ARHGEF10L: variants seen among roughly 807,000 people sequenced by gnomAD.
ARHGEF10L encodes the protein Rho guanine nucleotide exchange factor 10 like, also known as rho guanine nucleotide exchange factor 10-like protein.
In ARHGEF10L, 69 loss-of-function variants were observed where a neutral mutation model predicts 141.2. The ratio of observed to expected loss-of-function variants is 0.49; its 90% CI spans 0.40 to 0.60. ARHGEF10L has a LOEUF of 0.60. ARHGEF10L is among the 20% of genes least tolerant of loss of function. The pLI is 0.00. For missense variants in ARHGEF10L, 1,482 were observed against 1,734.3 expected, an observed-to-expected ratio of 0.85 and a Z score of 2.58; for synonymous variants, 711 against 718.5, an observed-to-expected ratio of 0.99 and a Z score of 0.17.
chr1:17,616,869 G>T (rs1178912099), intron 9 of ARHGEF10L, among the ~76,000 whole-genome samples: 1 of 152,214 alleles, frequency 6.6e-6, no homozygotes, highest in Admixed American at 6.5e-5. Flanking sequence ...CCCCGGATGT[G>T]GGAAAGTACG....
intron 15 of ARHGEF10L, among the ~76,000 whole-genome samples, chr1:17,631,335 T>G (rs1417938097): frequency 6.6e-6 from 1 of 152,160 alleles, no homozygotes; most frequent in Admixed American, 6.5e-5. Context: ...TTGGTGGCCC[T>G]GACACTAGCA....
At chr1:17,671,077 G>A (rs1235976190) in intron 26 of ARHGEF10L, among the ~76,000 whole-genome samples, 2 of 152,254 alleles carry the variant, frequency 1.3e-5, no homozygotes, top group African/African-American at 2.4e-5. Flanking sequence ...CGTCTGCACC[G>A]GCGCCTCACT....
At chr1:17,579,701 G>A (rs574865637) in intron 1 of ARHGEF10L, among the ~76,000 whole-genome samples, 212 of 152,330 alleles carry the variant, frequency 1.4e-3, no homozygotes, top group Middle Eastern at 3.4e-3. Context: ...TGTGGCCTGG[G>A]CAGATTAGAC....
At chr1:17,634,028 GGGCCT>G (rs1275223699) in intron 16 of ARHGEF10L, among the ~76,000 whole-genome samples, 1 of 152,200 alleles carries the variant, frequency 6.6e-6, no homozygotes, top group Non-Finnish European at 1.5e-5. Flanking sequence ...CGGGAGCTCA[GGGCCT>G]GGTTGGGGAC....
intron 1 of ARHGEF10L, among the ~76,000 whole-genome samples, chr1:17,555,706 G>T (rs2077278959): frequency 6.6e-6 from 1 of 152,158 alleles, no homozygotes; most frequent in African/African-American, 2.4e-5. Context: ...AGTTTTGGGG[G>T]ACACATCTAC....
At chr1:17,516,183 A>T in the ARHGEF10L span, among the ~76,000 whole-genome samples, 2 of 152,216 alleles carry the variant, frequency 1.3e-5, no homozygotes, top group African/African-American at 4.8e-5. Flanking sequence ...GAAACTCATT[A>T]TGCTACCAGT....
intron 20 of ARHGEF10L, among the ~76,000 whole-genome samples, chr1:17,638,945 AC>A (rs2061174185): frequency 1.3e-5 from 2 of 152,282 alleles, no homozygotes; most frequent in African/African-American, 4.8e-5. Context: ...CTGTTAGGAT[AC>A]TCAGACACTC....
intron 1 of ARHGEF10L, among the ~76,000 whole-genome samples, chr1:17,570,814 G>T (rs2100347275): frequency 6.6e-6 from 1 of 152,032 alleles, no homozygotes; most frequent in African/African-American, 2.4e-5. Flanking sequence ...TATGTTGAAG[G>T]TAGAGCCAGC....
At chr1:17,612,373 CATCT>C (rs1259015557) in intron 7 of ARHGEF10L, among the ~76,000 whole-genome samples, 2 of 152,218 alleles carry the variant, frequency 1.3e-5, no homozygotes, top group African/African-American at 4.8e-5. Flanking sequence ...TTCATCCATC[CATCT>C]GTCCATTTGC....
Position 17,655,996 on chromosome 1 carries a change from A to G in ARHGEF10L, c.2599A>G (p.Ile867Val). The change falls in exon 24 of 29, where the codon ATC (isoleucine) becomes GTC (valine). Residue 867 changes from isoleucine (I) to valine (V), a missense_variant. Physicochemically the swap from Ile to Val is conservative, Grantham distance 29 (BLOSUM62 3). Coordinates refer to ENST00000361221, the MANE Select transcript of ARHGEF10L (RefSeq NM_018125.4). ...AGCCCCTGTGCTCTGCATGGAGTAT[A>G]TCCCGGAGCTGGAGGAGGAGGCGGA... ...LAAPVLCMEY[I>V]PELEEEAESR... 1 of 1,571,446 alleles carries G rather than the reference A, an allele frequency of 6.4e-7. No homozygotes were observed. The highest frequency in any genetic ancestry group is 1.2e-5 in the South Asian group (1 of 85,496).
intron 1 of ARHGEF10L, among the ~76,000 whole-genome samples, chr1:17,561,695 G>T (rs1308419146): frequency 6.6e-6 from 1 of 152,232 alleles, no homozygotes; most frequent in Non-Finnish European, 1.5e-5. Flanking sequence ...CCTGGAGCCA[G>T]CTATGAAGGA....
intron 1 of ARHGEF10L, among the ~76,000 whole-genome samples, chr1:17,565,100 G>A (rs2077695600): frequency 6.6e-6 from 1 of 152,196 alleles, no homozygotes; most frequent in African/African-American, 2.4e-5. Context: ...CAGCAGATTC[G>A]GTGTCTGGTG....
At chr1:17,563,191 C>T (rs1004752398) in intron 1 of ARHGEF10L, among the ~76,000 whole-genome samples, 1 of 150,998 alleles carries the variant, frequency 6.6e-6, no homozygotes, top group Admixed American at 6.6e-5. Context: ...CCACACTGGG[C>T]CAGGCACAGG....
chr1:17,616,248 G>A, intron 9 of ARHGEF10L, 46 bp downstream of exon 9: 2 of 1,457,918 alleles, frequency 1.4e-6, no homozygotes, highest in Non-Finnish European at 1.9e-6. Flanking sequence ...AGCTCTGACT[G>A]GGGGTCGGGG....
Position 17,648,663 on chromosome 1 carries a change from A to C in ARHGEF10L, c.2382A>C (p.Ala794=), listed in dbSNP as rs1242261933. 1 of 1,612,568 alleles carries C rather than the reference A, an allele frequency of 6.2e-7. No homozygotes were observed. The highest frequency in any genetic ancestry group is 2.2e-5 in the East Asian group (1 of 44,864). The change falls in exon 22 of 29, where the codon GCA becomes GCC. Residue 794 remains alanine, a synonymous_variant. Transcript: ENST00000361221. ...ACCIPAFSSR[A]LSLQLGALVH... ...GCATCCCTGCCTTCTCCTCCCGGGC[A>C]CTCAGCCTGCAGGTGAGTGGAGCGG...
intron 27 of ARHGEF10L, among the ~76,000 whole-genome samples, chr1:17,692,514 C>A (rs1014229085): frequency 6.6e-6 from 1 of 152,140 alleles, no homozygotes; most frequent in Non-Finnish European, 1.5e-5. Context: ...TCCTGGGTTC[C>A]TTCCTCTGCT....
intron 9 of ARHGEF10L, 82 bp downstream of exon 9, chr1:17,616,284 A>G: frequency 8.1e-7 from 1 of 1,227,344 alleles, no homozygotes; most frequent in Non-Finnish European, 1.2e-6. Context: ...TTTACACCCC[A>G]GAGGTCATGC....
chr1:17,527,870 C>CTTT, the ARHGEF10L span, among the ~76,000 whole-genome samples: 1 of 20,982 alleles, frequency 4.8e-5, no homozygotes, highest in African/African-American at 9.4e-5. Flanking sequence ...TCTTTCTTTT[C>CTTT]TTTTTTTTTT....
chr1:17,518,891 C>T, the ARHGEF10L span, among the ~76,000 whole-genome samples: 1 of 151,504 alleles, frequency 6.6e-6, no homozygotes, highest in African/African-American at 2.4e-5. Flanking sequence ...GCATCAGTGC[C>T]AGGTGCAGTG....
Sources: allele counts gnomAD v4.1 joint callset (sites outside exome capture counted in the v4.1 genomes callset), GRCh38; gene constraint gnomAD v4.1.1; transcripts MANE v1.5; gene names NCBI Gene and HGNC (gene_info 2026-07-23, HGNC 2026-07-21).